DOCK3: variants seen among roughly 807,000 people sequenced by gnomAD.
DOCK3 encodes dedicator of cytokinesis protein 3.
DOCK3 carries 60 observed loss-of-function variants against 265.6 expected under a neutral mutation model. The observed-to-expected ratio is 0.23, with a 90% CI of 0.18 to 0.28. The LOEUF (loss-of-function observed/expected upper bound fraction) is 0.28. DOCK3 is among the 10% of genes least tolerant of loss of function. DOCK3 has a pLI of 1.00. For missense variants in DOCK3, 1,981 were observed against 2,594.3 expected, an observed-to-expected ratio of 0.76 and a Z score of 5.14; for synonymous variants, 881 against 938.0, an observed-to-expected ratio of 0.94 and a Z score of 1.11.
intron 2 of DOCK3, among the ~76,000 whole-genome samples, chr3:50,781,583 T>C (rs1251080240): frequency 1.3e-4 from 20 of 152,262 alleles, no homozygotes; most frequent in Admixed American, 1.3e-3. Flanking sequence ...TATATAGTAG[T>C]TCTATTTGTA....
At chr3:51,309,179 G>A (rs972578733) in intron 27 of DOCK3, among the ~76,000 whole-genome samples, 7 of 151,814 alleles carry the variant, frequency 4.6e-5, no homozygotes, top group Non-Finnish European at 8.8e-5. Flanking sequence ...TCCCAGACGG[G>A]GTGGCGGCCG....
intron 3 of DOCK3, among the ~76,000 whole-genome samples, chr3:50,885,853 GT>G (rs1439972464): frequency 3.9e-5 from 6 of 152,118 alleles, no homozygotes; most frequent in African/African-American, 1.4e-4. Context: ...CCTTACTCGT[GT>G]GGGTGGGGAT....
chr3:50,755,999 G>C (rs2040137617), intron 1 of DOCK3, among the ~76,000 whole-genome samples: 1 of 152,218 alleles, frequency 6.6e-6, no homozygotes, highest in Admixed American at 6.5e-5. Context: ...AGGAAGCACA[G>C]TATACTTGGA....
At chr3:50,803,558 A>G (rs561430394) in intron 2 of DOCK3, among the ~76,000 whole-genome samples, 254 of 151,294 alleles carry the variant, frequency 1.7e-3, no homozygotes, top group Non-Finnish European at 3.2e-3. Context: ...TGCCATCGTC[A>G]TCATGGCCTG....
chr3:51,119,032 A>G (rs749315501), intron 9 of DOCK3, among the ~76,000 whole-genome samples: 20 of 152,114 alleles, frequency 1.3e-4, no homozygotes, highest in African/African-American at 4.3e-4. Context: ...CTAACTGGCT[A>G]TCTTGCCCAT....
chr3:50,865,675 G>A (rs1170742432), intron 3 of DOCK3, among the ~76,000 whole-genome samples: 1 of 152,140 alleles, frequency 6.6e-6, no homozygotes, highest in African/African-American at 2.4e-5. Flanking sequence ...ACCAGCAGTG[G>A]GATTGCTGGA....
In DOCK3 at chr3:51,218,880, C is replaced by T. The variant is rs896315301; in HGVS notation, c.1252+4633C>T. Among the ~76,000 whole-genome samples the T allele has an allele frequency of 2.0e-5, 3 of 152,294 alleles. No homozygotes were observed. The East Asian group carries it at 5.8e-4, about 29-fold the overall frequency. On this transcript the variant is annotated intron_variant, in intron 14 of 52. Transcript: ENST00000266037. Reference sequence around the variant, plus strand: ...CCCAAGAGTTTCTAACTTAGTAGGACTGTGGTGGGACCTGGCAATTTGCAT... The same window carrying T: ...CCCAAGAGTTTCTAACTTAGTAGGATTGTGGTGGGACCTGGCAATTTGCAT...
chr3:51,161,887 T>C (rs1340622280), intron 12 of DOCK3, among the ~76,000 whole-genome samples: 2 of 152,228 alleles, frequency 1.3e-5, no homozygotes, highest in Non-Finnish European at 2.9e-5. Flanking sequence ...GGCATGGCAT[T>C]ATTTTTAGTG....
intron 32 of DOCK3, among the ~76,000 whole-genome samples, chr3:51,319,409 A>C (rs1012119921): frequency 1.9e-4 from 29 of 152,142 alleles, no homozygotes; most frequent in Middle Eastern, 3.4e-3. Context: ...AAAAAAAAAA[A>C]AAAACCCAGT....
chr3:51,341,462 C>T, intron 38 of DOCK3, 77 bp downstream of exon 38: 2 of 1,569,736 alleles, frequency 1.3e-6, no homozygotes, highest in Admixed American at 1.9e-5. Context: ...ATAGGGTTAA[C>T]AGCAGCTGCA....
intron 1 of DOCK3, among the ~76,000 whole-genome samples, chr3:50,710,760 T>G (rs1309981762): frequency 1.3e-5 from 2 of 152,224 alleles, no homozygotes; most frequent in East Asian, 3.8e-4. Context: ...CCAGCCTAAA[T>G]GCCCATTAAC....
intron 27 of DOCK3, among the ~76,000 whole-genome samples, chr3:51,303,490 A>T (rs1278361205): frequency 6.6e-6 from 1 of 152,156 alleles, no homozygotes; most frequent in Non-Finnish European, 1.5e-5. Context: ...GAGAAGAGAC[A>T]TTCTGCCTTT....
intron 9 of DOCK3, among the ~76,000 whole-genome samples, chr3:51,132,913 G>T (rs376692315): frequency 1.3e-5 from 2 of 151,978 alleles, no homozygotes; most frequent in Non-Finnish European, 2.9e-5. Context: ...TCCCCTCCCC[G>T]ACCCAAGCTG....
chr3:51,147,732 G>T (rs1486528364), intron 10 of DOCK3, among the ~76,000 whole-genome samples: 1 of 152,182 alleles, frequency 6.6e-6, no homozygotes, highest in Non-Finnish European at 1.5e-5. Flanking sequence ...TCTTAATCCA[G>T]TCTGTAATTG....
chr3:51,083,983 C>CAAATAAAT (rs563530315), intron 7 of DOCK3, among the ~76,000 whole-genome samples: 6 of 151,788 alleles, frequency 4.0e-5, no homozygotes, highest in Middle Eastern at 6.8e-3. Context: ...GACTCCATCT[C>CAAATAAAT]AAATAAATAA....
chr3:50,708,402 G>T (rs1203846415), intron 1 of DOCK3, among the ~76,000 whole-genome samples: 1 of 152,188 alleles, frequency 6.6e-6, no homozygotes, highest in Non-Finnish European at 1.5e-5. Flanking sequence ...TAGTGCAGGG[G>T]ACCTGGTTGC....
chr3:51,348,809 C>G (rs1229471640), intron 38 of DOCK3, 43 bp from the exon 39 acceptor site: 1 of 1,539,854 alleles, frequency 6.5e-7, no homozygotes. Flanking sequence ...TTAGGCTATT[C>G]TGAAGATGAG....
At chr3:51,129,018 G>A (rs185631012) in intron 9 of DOCK3, among the ~76,000 whole-genome samples, 148 of 152,300 alleles carry the variant, frequency 9.7e-4, no homozygotes, top group Non-Finnish European at 1.8e-3. Context: ...CACAGTTTCT[G>A]ACTACTCAGA....
intron 4 of DOCK3, among the ~76,000 whole-genome samples, chr3:50,913,345 T>G (rs2049959009): frequency 6.6e-6 from 1 of 151,770 alleles, no homozygotes; most frequent in South Asian, 2.1e-4. Context: ...CAAAACAAAG[T>G]CTTCCCACTC....
Sources: allele counts gnomAD v4.1 joint callset (sites outside exome capture counted in the v4.1 genomes callset), GRCh38; gene constraint gnomAD v4.1.1; transcripts MANE v1.5; gene names NCBI Gene and HGNC (gene_info 2026-07-23, HGNC 2026-07-21).